RFT1: variants seen among roughly 807,000 people sequenced by gnomAD.
RFT1 encodes man(5)GlcNAc(2)-PP-dolichol translocation protein RFT1.
A neutral mutation model predicts 62.2 loss-of-function variants in RFT1; 43 were observed. That is an observed-to-expected ratio of 0.69 (90% CI 0.54 to 0.89). The LOEUF is 0.89. Ranked by LOEUF, RFT1 falls within the 40% of genes least tolerant of loss-of-function variation. The probability of loss-of-function intolerance (pLI) is 0.00; values close to 1 mark genes in which losing one functional copy is unlikely to be tolerated. For synonymous variants in RFT1, 262 were observed against 264.6 expected (o/e 0.99, Z 0.10); for missense variants, 605 against 649.9 (o/e 0.93, Z 0.75).
the RFT1 span, among the ~76,000 whole-genome samples, chr3:53,075,751 C>T: frequency 1.3e-5 from 2 of 152,150 alleles, no homozygotes; most frequent in African/African-American, 2.4e-5. Context: ...CTCCTCTGAC[C>T]AGCAATGAAG....
rs1700996865 is a variant in RFT1 at position 53,091,830 on chromosome 3, C to T, written c.*73G>A. 1.3e-6 allele frequency: 2 copies of T among 1,544,650 alleles called. No individual in the cohort carries two copies. Among genetic ancestry groups the T allele is most frequent in the Admixed American group, 3.4e-5 (2 of 59,570 alleles). ...TGCAGAGCCCTCAGTGGGGCTCTTA[C>T]ACAGAATGTGTTCCACCCACAGAAC... On this transcript the variant is annotated 3_prime_UTR_variant, in exon 13 of 13. Transcript: ENST00000296292.
At chr3:53,072,787 C>T in the RFT1 span, among the ~76,000 whole-genome samples, 1 of 152,206 alleles carries the variant, frequency 6.6e-6, no homozygotes. Context: ...TCCTGTCAGT[C>T]CCGCTCATCT....
intron 2 of RFT1, among the ~76,000 whole-genome samples, chr3:53,124,158 A>G (rs1056138709): frequency 2.0e-5 from 3 of 152,334 alleles, no homozygotes; most frequent in African/African-American, 7.2e-5. Context: ...GGAGAAGAAG[A>G]TAAGATTATA....
chr3:53,069,288 C>A, the RFT1 span, among the ~76,000 whole-genome samples: 1 of 152,108 alleles, frequency 6.6e-6, no homozygotes, highest in Non-Finnish European at 1.5e-5. Context: ...GTGTTGTGGG[C>A]ATGTTTAAGG....
intron 9 of RFT1, 42 bp from the exon 10 acceptor site, chr3:53,104,139 GCTGAAGAAAAC>G: frequency 3.7e-6 from 6 of 1,610,018 alleles, no homozygotes; most frequent in Non-Finnish European, 5.1e-6. Context: ...TGAATCATGA[GCTGAAGAAAAC>G]CTTCATCCTT....
intron 11 of RFT1, among the ~76,000 whole-genome samples, chr3:53,098,045 C>T (rs959212590): frequency 1.4e-4 from 22 of 152,328 alleles, no homozygotes; most frequent in African/African-American, 4.1e-4. Context: ...AAAGCATCAG[C>T]GTGTCCTACG....
rs1024359621 is a variant in RFT1, at chr3:53,092,401, C to T, written c.1426G>A (p.Ala476Thr). The T allele has an allele frequency of 6.2e-7, 1 of 1,605,758 alleles. No homozygotes were observed. Among genetic ancestry groups the T allele is most frequent in the Non-Finnish European group, 8.5e-7 (1 of 1,176,664 alleles). The change falls in exon 12 of 13, where the codon GCC (alanine) becomes ACC (threonine). Residue 476 changes from alanine (A) to threonine (T), a missense_variant. By Grantham distance (58) the Ala-to-Thr change is moderately conservative. Coordinates refer to ENST00000296292, the MANE Select transcript of RFT1 (RefSeq NM_052859.4). ...ACAGCAGTAACCCCACCACTGAGGG[C>T]AAATGTCCCGAGCAGGACTGGCGAT... Reference protein sequence around the residue: ...HLSPVLLGTFALSGGVTAVSE... With the variant: ...HLSPVLLGTFTLSGGVTAVSE...
At chr3:53,123,357 C>T (rs1702021725) in intron 3 of RFT1, among the ~76,000 whole-genome samples, 1 of 152,112 alleles carries the variant, frequency 6.6e-6, no homozygotes, top group South Asian at 2.1e-4. Flanking sequence ...CTGTTAAAAG[C>T]TCAAAAGATA....
intron 3 of RFT1, 62 bp from the exon 4 acceptor site, chr3:53,122,625 T>C: frequency 6.3e-6 from 7 of 1,109,302 alleles, no homozygotes; most frequent in Non-Finnish European, 8.6e-6. Flanking sequence ...TATATTAAAA[T>C]AGTAACACTG....
the RFT1 span, among the ~76,000 whole-genome samples, chr3:53,073,176 CAGAG>C: frequency 1.3e-5 from 2 of 152,224 alleles, no homozygotes; most frequent in East Asian, 3.8e-4. Context: ...CATAACACTG[CAGAG>C]AGAGAGCCTG....
At position 53,103,967 on chromosome 3, in the gene RFT1, A is replaced by G; in HGVS notation, c.1088T>C (p.Leu363Pro). ...CTTGTGCGTACCGGATCCTGAGCTAAGCATGGTCCCTCCGTAGATATCCAG... is the reference window on the plus strand; with the variant it reads ...CTTGTGCGTACCGGATCCTGAGCTAGGCATGGTCCCTCCGTAGATATCCAG... The part of the protein sequence containing the change: ...LALDIYGGTM[L>P]SSGSGPVLLR... The change falls in exon 10 of 13, where the codon CTT (leucine) becomes CCT (proline). Residue 363 changes from leucine to proline, a missense_variant. Coordinates refer to ENST00000296292, the MANE Select transcript of RFT1 (RefSeq NM_052859.4). 1 of 1,614,224 alleles carries G rather than the reference A, an allele frequency of 6.2e-7. No homozygotes were observed. The highest frequency in any genetic ancestry group is 1.1e-5 in the South Asian group (1 of 91,086).
At chr3:53,077,750 G>T in the RFT1 span, 1 of 152,240 alleles carries the variant, frequency 6.6e-6, no homozygotes, top group Non-Finnish European at 1.5e-5. Flanking sequence ...CGTGGAGCCT[G>T]GGGGGACAGG....
intron 1 of RFT1, among the ~76,000 whole-genome samples, chr3:53,127,253 C>G (rs957211932): frequency 6.6e-6 from 1 of 151,772 alleles, no homozygotes; most frequent in Non-Finnish European, 1.5e-5. Context: ...GCCGTCTCTA[C>G]TAAAAATACA....
intron 6 of RFT1, among the ~76,000 whole-genome samples, chr3:53,116,494 A>C (rs1257273716): frequency 6.6e-6 from 1 of 150,606 alleles, no homozygotes; most frequent in Non-Finnish European, 1.5e-5. Flanking sequence ...GGTTCTTACC[A>C]TGTTTCCCAG....
chr3:53,084,529 C>A (rs1228059303), downstream of RFT1, among the ~76,000 whole-genome samples: 1 of 152,224 alleles, frequency 6.6e-6, no homozygotes, highest in Non-Finnish European at 1.5e-5. Context: ...TCAGTTGTCA[C>A]CTCCAATGTG....
At chr3:53,078,701 C>T in the RFT1 span, among the ~76,000 whole-genome samples, 1 of 152,206 alleles carries the variant, frequency 6.6e-6, no homozygotes, top group East Asian at 1.9e-4. Flanking sequence ...ATGATTGCAT[C>T]ACTGCACTCC....
the RFT1 span, among the ~76,000 whole-genome samples, chr3:53,083,437 G>A: frequency 7.3e-5 from 11 of 149,838 alleles, no homozygotes; most frequent in African/African-American, 2.4e-4. Flanking sequence ...TAAGGCTGCA[G>A]GGAGCTATGG....
At chr3:53,129,946 A>C (rs888414048) in intron 1 of RFT1, among the ~76,000 whole-genome samples, 2 of 152,192 alleles carry the variant, frequency 1.3e-5, no homozygotes, top group Non-Finnish European at 2.9e-5. Context: ...GACTCTCGGA[A>C]CTCAGTGGGA....
chr3:53,118,560 T>C (rs1394501169), intron 6 of RFT1, among the ~76,000 whole-genome samples: 3 of 152,178 alleles, frequency 2.0e-5, no homozygotes, highest in African/African-American at 4.8e-5. Flanking sequence ...AAGTCTCACA[T>C]ATTTTACTAC....
Sources: allele counts gnomAD v4.1 joint callset (sites outside exome capture counted in the v4.1 genomes callset), GRCh38; gene constraint gnomAD v4.1.1; transcripts MANE v1.5; gene names NCBI Gene and HGNC (gene_info 2026-07-23, HGNC 2026-07-21).